IFIH1: variants seen among roughly 807,000 people sequenced by gnomAD.
IFIH1 encodes interferon induced with helicase C domain 1, also known as interferon-induced helicase C domain-containing protein 1.
A neutral mutation model predicts 107.4 loss-of-function variants in IFIH1; 125 were observed. The ratio of observed to expected loss-of-function variants is 1.16; its 90% CI spans 1.01 to 1.35. IFIH1 has a LOEUF of 1.35. Among genes scored for constraint, IFIH1 ranks in the 40% most tolerant of loss-of-function variants. The pLI is 0.00. For synonymous variants in IFIH1, 458 were observed against 413.2 expected (o/e 1.11, Z -1.31); for missense variants, 1,333 against 1,213.7 (o/e 1.10, Z -1.46).
chr2:162,280,508 A>T (rs1682787639), intron 7 of IFIH1, among the ~76,000 whole-genome samples: 1 of 152,062 alleles, frequency 6.6e-6, no homozygotes, highest in South Asian at 2.1e-4. Flanking sequence ...TACATGAGGC[A>T]TATCAAAGGT....
intron 5 of IFIH1, among the ~76,000 whole-genome samples, chr2:162,286,019 T>G (rs1037970009): frequency 1.3e-5 from 2 of 151,968 alleles, no homozygotes; most frequent in Non-Finnish European, 2.9e-5. Flanking sequence ...TCATATCTCA[T>G]GTCTCCTACG....
chr2:162,306,781 G>A lies in IFIH1; in HGVS notation c.697C>T (p.Leu233=). ...TCCATGCCCCAGACCTCCTTCTCCA[G>A]ATTTGGCTGAACTGTGGTTGAAAGA... ...QLLSTTVQPN[L]EKEVWGMENN... The change falls in exon 3 of 16, where the codon CTG becomes TTG. Residue 233 remains leucine, a synonymous_variant. Coordinates refer to ENST00000649979, the MANE Select transcript of IFIH1 (RefSeq NM_022168.4). The A allele has an allele frequency of 6.2e-7, 1 of 1,613,872 alleles. No homozygotes were observed. The highest frequency in any genetic ancestry group is 8.5e-7 in the Non-Finnish European group (1 of 1,179,820).
At chr2:162,315,431 G>A (rs1257958638) in intron 1 of IFIH1, among the ~76,000 whole-genome samples, 1 of 152,066 alleles carries the variant, frequency 6.6e-6, no homozygotes, top group Non-Finnish European at 1.5e-5. Context: ...TCTCAATTGC[G>A]ACATGGGGAA....
In IFIH1 at chr2:162,317,991, G is replaced by C. The variant is rs764380346; in HGVS notation, c.317C>G (p.Ser106Trp). ...NPELTDLPSP[S>W]FENAHDEYLQ... ...ATATTCATCATGAGCGTTCTCAAAC[G>C]ATGGAGAGGGCAAGTCCGTGAGCTC... Residue 106 changes from serine to tryptophan, a missense_variant, in exon 1 of 16, where the codon TCG (serine) becomes TGG (tryptophan). Physicochemically the swap from Ser to Trp is radical, Grantham distance 177 (BLOSUM62 -3). Transcript: ENST00000649979. 1.2e-6 allele frequency: 2 copies of C among 1,614,056 alleles called. No individual in the cohort carries two copies. Among genetic ancestry groups the C allele is most frequent in the Non-Finnish European group, 1.7e-6 (2 of 1,180,030 alleles).
rs767453829 is a variant in IFIH1, at chr2:162,268,161, A to G, written c.2733T>C (p.Ser911=). 1.9e-6 allele frequency: 3 copies of G among 1,613,678 alleles called. No individual in the cohort carries two copies. The highest frequency in any genetic ancestry group is 1.7e-5 in the Admixed American group (1 of 60,008). The change falls in exon 14 of 16, where the codon AGT becomes AGC. Residue 911 remains serine (S), a synonymous_variant. Coordinates refer to ENST00000649979, the MANE Select transcript of IFIH1 (RefSeq NM_022168.4). The part of the protein sequence containing the change: ...SLITFLCKNC[S]VLACSGEDIH... ...TATCTTCCCCAGAACAGGCTAGCAC[A>G]CTGCAGTTTTTGCAAAGGAAAGTTA...
intron 10 of IFIH1, 108 bp from the exon 11 acceptor site, chr2:162,277,054 T>C: frequency 1.3e-6 from 1 of 750,524 alleles, no homozygotes; most frequent in Non-Finnish European, 2.1e-6. Context: ...GTTTTATTGA[T>C]TAAAAATTAA....
chr2:162,311,597 T>C (rs1683385702), intron 1 of IFIH1, among the ~76,000 whole-genome samples: 1 of 152,148 alleles, frequency 6.6e-6, no homozygotes, highest in South Asian at 2.1e-4. Context: ...TTAGAGTCTT[T>C]AGCCTTCTTT....
At chr2:162,312,012 C>A (rs1186240360) in intron 1 of IFIH1, among the ~76,000 whole-genome samples, 2 of 152,126 alleles carry the variant, frequency 1.3e-5, no homozygotes, top group Non-Finnish European at 2.9e-5. Flanking sequence ...ATTCTATCAG[C>A]CTCCCAGATA....
intron 13 of IFIH1, among the ~76,000 whole-genome samples, chr2:162,270,540 A>G (rs1374272665): frequency 6.6e-6 from 1 of 152,158 alleles, no homozygotes; most frequent in African/African-American, 2.4e-5. Flanking sequence ...ATCTACCTGA[A>G]GTAGTTTTAG....
intron 3 of IFIH1, among the ~76,000 whole-genome samples, chr2:162,300,511 A>G (rs1576234655): frequency 6.6e-6 from 1 of 152,194 alleles, no homozygotes; most frequent in Non-Finnish European, 1.5e-5. Flanking sequence ...TAACTGACCC[A>G]GATACCTCAT....
chr2:162,309,597 A>G (rs999879749), intron 2 of IFIH1, among the ~76,000 whole-genome samples: 1 of 152,168 alleles, frequency 6.6e-6, no homozygotes, highest in Non-Finnish European at 1.5e-5. Context: ...GGTATAATAT[A>G]TCTCTACTCC....
Position 162,277,617 on chromosome 2 carries a change from A to G in IFIH1, c.1842T>C (p.Asn614=). The change falls in exon 10 of 16, where the codon AAT becomes AAC. Residue 614 remains asparagine (N), a synonymous_variant. Coordinates refer to ENST00000649979, the MANE Select transcript of IFIH1 (RefSeq NM_022168.4). ...LRKYNEALQI[N]DTIRMIDAYT... ...ACGCATCTATCATTCGAATTGTGTC[A>G]TTAATTTGTAGGGCCTCATTGTACT... is the stretch of plus-strand genomic sequence containing the variant. 1 of 1,613,444 alleles carries G rather than the reference A, an allele frequency of 6.2e-7. No individual in the cohort carries two copies. Among genetic ancestry groups the G allele is most frequent in the South Asian group, 1.1e-5 (1 of 91,056 alleles).
In IFIH1 at chr2:162,318,411, G is replaced by T; in HGVS notation, c.-104C>A. 1 of 953,684 alleles carries T rather than the reference G, an allele frequency of 1.0e-6. No individual in the cohort carries two copies. Among genetic ancestry groups the T allele is most frequent in the Non-Finnish European group, 1.6e-6 (1 of 615,756 alleles). 59.1% of individuals were successfully genotyped at this position (953,684 alleles called of 1,614,324 possible). On this transcript the variant is annotated 5_prime_UTR_variant, in exon 1 of 16. Transcript: ENST00000649979. Reference sequence around the variant, plus strand: ...CGCTGTCCGCTGCCCACTTAGAGAAGCAGGGTCTACCGCTCTGTGCCTGAC... The same window carrying T: ...CGCTGTCCGCTGCCCACTTAGAGAATCAGGGTCTACCGCTCTGTGCCTGAC...
rs149109168 is a variant in IFIH1, at chr2:162,285,265, G to A, written c.1096-2689C>T. Among the ~76,000 whole-genome samples, 15 of 152,070 alleles carry A rather than the reference G, an allele frequency of 9.9e-5. 1 individual carries two copies. In the East Asian group the frequency reaches 2.9e-3, roughly 30 times the overall value. ...CCCTAGATAGGAAATGGAAAGTCTG[G>A]GAACACAGGTGGTGTTTTCATTTCT... On this transcript the variant is annotated intron_variant, in intron 5 of 15. Transcript: ENST00000649979.
intron 3 of IFIH1, among the ~76,000 whole-genome samples, chr2:162,302,637 A>G (rs1683212627): frequency 6.6e-6 from 1 of 152,260 alleles, no homozygotes. Context: ...ATTCTGCAAC[A>G]AAAACTTCAA....
At position 162,278,348 on chromosome 2, in the gene IFIH1, T is replaced by G. The variant is rs191343755; in HGVS notation, c.1642-20A>C. The stretch of plus-strand genomic sequence containing the variant: ...TGGATCCTAAAAATAAAGTACACAC[T>G]TATTCTTATGTATTCTTATTGTTAA... On this transcript the variant is annotated intron_variant, in intron 8 of 15. Transcript: ENST00000649979. 320 of 1,154,560 alleles carry G rather than the reference T, an allele frequency of 2.8e-4. 1 individual carries two copies. In the East Asian group the frequency reaches 7.4e-3, roughly 27 times the overall value. The allele number at this position is 1,154,560 out of a possible 1,614,324, so 71.5% of individuals were successfully genotyped here. A position where few individuals can be genotyped will look rare whatever the true frequency, so the allele number is the denominator to read the frequency against.
In IFIH1 at chr2:162,277,506, A is replaced by G; in HGVS notation, c.1953T>C (p.Asp651=). The change falls in exon 10 of 16, where the codon GAT becomes GAC. Residue 651 remains aspartate (D), a synonymous_variant. Coordinates refer to ENST00000649979, the MANE Select transcript of IFIH1 (RefSeq NM_022168.4). ...CATCTTCATCACCATCACAATACTC[A>G]TCATCACCACCCTCATCACTATCAT... ...IEDDSDEGGD[D]EYCDGDEDED... 1 of 1,578,092 alleles carries G rather than the reference A, an allele frequency of 6.3e-7. No individual in the cohort carries two copies. The highest frequency in any genetic ancestry group is 8.7e-7 in the Non-Finnish European group (1 of 1,147,766).
At position 162,269,558 on chromosome 2, in the gene IFIH1, G is replaced by A. The variant is rs550401118; in HGVS notation, c.2617-1281C>T. The stretch of plus-strand genomic sequence containing the variant: ...ATGTAACATATGAAAGTTGACATAG[G>A]GACTGAACAGTGTTTATACCAACAC... On this transcript the variant is annotated intron_variant, in intron 13 of 15. Transcript: ENST00000649979. Among the ~76,000 whole-genome samples the A allele has an allele frequency of 7.2e-5, 11 of 152,198 alleles. 1 individual carries two copies. The South Asian group carries it at 1.9e-3, about 26-fold the overall frequency.
At chr2:162,301,709 T>C (rs1372445528) in intron 3 of IFIH1, among the ~76,000 whole-genome samples, 2 of 152,210 alleles carry the variant, frequency 1.3e-5, no homozygotes, top group Non-Finnish European at 2.9e-5. Context: ...TAGAAGTCAA[T>C]TATTTGCTAT....
Sources: allele counts gnomAD v4.1 joint callset (sites outside exome capture counted in the v4.1 genomes callset), GRCh38; gene constraint gnomAD v4.1.1; transcripts MANE v1.5; gene names NCBI Gene and HGNC (gene_info 2026-07-23, HGNC 2026-07-21).